The following TERF2IP variants were observed in gnomAD, a reference collection of about 807,000 sequenced individuals.
TERF2IP encodes TERF2 interacting protein.
A neutral mutation model predicts 33.3 loss-of-function variants in TERF2IP; 35 were observed. The ratio of observed to expected loss-of-function variants is 1.05; its 90% CI spans 0.80 to 1.39. The LOEUF is 1.39. Ranked by LOEUF, TERF2IP falls within the 40% of genes most tolerant of loss-of-function variation. The pLI, the probability that TERF2IP is intolerant of heterozygous loss-of-function variation, is 0.00. For synonymous variants in TERF2IP, 253 were observed against 223.2 expected, an observed-to-expected ratio of 1.13 and a Z score of -1.19; for missense variants, 583 against 524.8, an observed-to-expected ratio of 1.11 and a Z score of -1.08.
intron 1 of TERF2IP, among the ~76,000 whole-genome samples, chr16:75,649,352 T>C (rs2151817244): frequency 6.6e-6 from 1 of 152,296 alleles, no homozygotes; most frequent in Non-Finnish European, 1.5e-5. Flanking sequence ...GAGACGAGCC[T>C]GACCAACATG....
intron 1 of TERF2IP, among the ~76,000 whole-genome samples, chr16:75,649,771 T>C (rs556469755): frequency 6.6e-6 from 1 of 152,346 alleles, no homozygotes; most frequent in Middle Eastern, 3.4e-3. Flanking sequence ...GGTCTCTTCC[T>C]GGTCTTGCTT....
chr16:75,649,084 C>G (rs1446679589), intron 1 of TERF2IP, among the ~76,000 whole-genome samples: 1 of 146,770 alleles, frequency 6.8e-6, no homozygotes, highest in Non-Finnish European at 1.5e-5. Context: ...CCTGACAGGT[C>G]TCGAACTCTT....
intron 2 of TERF2IP, among the ~76,000 whole-genome samples, chr16:75,655,250 T>C (rs2082376289): frequency 6.6e-6 from 1 of 152,260 alleles, no homozygotes; most frequent in Non-Finnish European, 1.5e-5. Flanking sequence ...AAAAATGTTT[T>C]AGCTCTTCCA....
intron 1 of TERF2IP, among the ~76,000 whole-genome samples, chr16:75,649,543 CA>C (rs5817958): frequency 1.9e-3 from 255 of 136,086 alleles, no homozygotes; most frequent in Non-Finnish European, 1.5e-3. Context: ...GACTCCATCT[CA>C]AAAAAAAAAA....
intron 1 of TERF2IP, among the ~76,000 whole-genome samples, chr16:75,651,750 C>T (rs1385863468): frequency 6.6e-6 from 1 of 152,130 alleles, no homozygotes; most frequent in Non-Finnish European, 1.5e-5. Context: ...TCAGTATAAG[C>T]TATACTTTGA....
Position 75,648,098 on chromosome 16 carries a change from C to T in TERF2IP, c.216C>T (p.Ala72=), listed in dbSNP as rs1481977616. The change falls in exon 1 of 3, where the codon GCC becomes GCT. Residue 72 remains alanine (A), a synonymous_variant. Coordinates refer to ENST00000300086, the MANE Select transcript of TERF2IP (RefSeq NM_018975.4). ...TGGCCCAGCCCGGGGAGGCGCTGGC[C>T]GAGGCCTCGGGTGATTTCATCTCCA... ...VLLAQPGEAL[A]EASGDFISTQ... The T allele has an allele frequency of 2.6e-6, 4 of 1,559,364 alleles. No individual in the cohort carries two copies. The highest frequency in any genetic ancestry group is 1.4e-5 in the African/African-American group (1 of 73,722).
At chr16:75,655,534 G>T (rs113163752) in intron 2 of TERF2IP, among the ~76,000 whole-genome samples, 4,894 of 152,306 alleles carry the variant, frequency 0.032, 118 homozygotes, top group African/African-American at 0.067. Flanking sequence ...ACAGGAATTG[G>T]CAGGATTTAG....
intron 1 of TERF2IP, chr16:75,648,794 T>C: frequency 8.9e-7 from 1 of 1,127,198 alleles, no homozygotes; most frequent in Non-Finnish European, 1.2e-6. Context: ...GCTCAAGCGA[T>C]CCTCCTGCCT....
intron 1 of TERF2IP, 129 bp downstream of exon 1, chr16:75,648,681 G>A: frequency 2.1e-6 from 3 of 1,433,196 alleles, no homozygotes; most frequent in Non-Finnish European, 2.7e-6. Context: ...GTTGACATCC[G>A]GGTAAATTTG....
intron 2 of TERF2IP, among the ~76,000 whole-genome samples, chr16:75,655,239 T>A (rs1347674681): frequency 6.6e-6 from 1 of 152,240 alleles, no homozygotes; most frequent in African/African-American, 2.4e-5. Context: ...TTGAGCTTTT[T>A]AAAAATGTTT....
chr16:75,649,318 C>T (rs1236032580), intron 1 of TERF2IP, among the ~76,000 whole-genome samples: 5 of 152,208 alleles, frequency 3.3e-5, no homozygotes, highest in Non-Finnish European at 7.4e-5. Context: ...CCGAGGCGGG[C>T]GGATCACCTG....
intron 1 of TERF2IP, among the ~76,000 whole-genome samples, chr16:75,652,805 C>G (rs1325138730): frequency 6.6e-6 from 1 of 152,136 alleles, no homozygotes; most frequent in African/African-American, 2.4e-5. Flanking sequence ...GGGCAACTGT[C>G]ACCACCATCT....
intron 1 of TERF2IP, among the ~76,000 whole-genome samples, chr16:75,650,591 G>A (rs1039733717): frequency 6.6e-5 from 10 of 152,016 alleles, no homozygotes; most frequent in African/African-American, 2.4e-4. Flanking sequence ...GCTGGAGTGC[G>A]GTAGTGCGAT....
At position 75,656,501 on chromosome 16, in the gene TERF2IP, C is replaced by T. The variant is rs765095939; in HGVS notation, c.1090C>T (p.Arg364Ter). The T allele has an allele frequency of 1.5e-5, 24 of 1,613,708 alleles. No individual in the cohort carries two copies. The highest frequency in any genetic ancestry group is 2.7e-5 in the African/African-American group (2 of 74,784). ...AGCTGATGGATATCCCATTTGGTCC[C>T]GACAAGATGACATAGATTTGCAAAA... Reference protein sequence around the residue: ...QRADGYPIWSRQDDIDLQKDD... With the variant: ...QRADGYPIWS The change falls in exon 3 of 3, where the codon CGA becomes TGA. Residue 364 changes from arginine to a stop codon, truncating the protein, a stop_gained. Transcript: ENST00000300086. LOFTEE classifies it high-confidence loss of function.
chr16:75,656,002 C>T lies in TERF2IP; in HGVS notation c.796-205C>T, dbSNP rs56892159. On this transcript the variant is annotated intron_variant, in intron 2 of 2. Transcript: ENST00000300086. ...CCTCACACACACGTGCACACACACA[C>T]GCGCACACACACACGCGTGTACATA... 0.11 allele frequency among the ~76,000 whole-genome samples: 16,636 copies of T among 151,992 alleles called. 1,806 individuals carry two copies. The highest frequency in any genetic ancestry group is 0.29 in the African/African-American group (11,845 of 41,434).
At chr16:75,651,142 A>G (rs1275514808) in intron 1 of TERF2IP, among the ~76,000 whole-genome samples, 1 of 152,176 alleles carries the variant, frequency 6.6e-6, no homozygotes, top group Non-Finnish European at 1.5e-5. Context: ...AGTTTTATAT[A>G]TTTGATTACC....
Position 75,657,276 on chromosome 16 carries a change from A to G in TERF2IP, c.*665A>G, listed in dbSNP as rs1278656398. 5.3e-5 allele frequency: 8 copies of G among 151,640 alleles called. No individual in the cohort carries two copies. The highest frequency in any genetic ancestry group is 1.0e-4 in the Non-Finnish European group (7 of 67,962). 9.4% of individuals were successfully genotyped at this position (151,640 alleles called of 1,614,324 possible). On this transcript the variant is annotated 3_prime_UTR_variant, in exon 3 of 3. Transcript: ENST00000300086. ...CAGTTTTCCTTAAAACGCGCACACA[A>G]CTCTAGAGAGTGTTAAGAATAATGT...
chr16:75,648,296 T>C lies in TERF2IP; in HGVS notation c.414T>C (p.Asp138=). 6.4e-7 allele frequency: 1 copy of C among 1,553,854 alleles called. No individual in the cohort carries two copies. Among genetic ancestry groups the C allele is most frequent in the East Asian group, 2.4e-5 (1 of 41,454 alleles). Residue 138 remains aspartate, a synonymous_variant, in exon 1 of 3, where the codon GAT becomes GAC. Transcript: ENST00000300086. Reference sequence around the variant, plus strand: ...ACGCCGGGCGGATCGCCTTCACGGATGCGGACGACGTAGCCATCCTTACCT... The same window carrying C: ...ACGCCGGGCGGATCGCCTTCACGGACGCGGACGACGTAGCCATCCTTACCT... ...QRHAGRIAFT[D]ADDVAILTYV...
Position 75,656,990 on chromosome 16 carries a change from C to A in TERF2IP, c.*379C>A, listed in dbSNP as rs1432781800. On this transcript the variant is annotated 3_prime_UTR_variant, in exon 3 of 3. Coordinates refer to ENST00000300086, the MANE Select transcript of TERF2IP (RefSeq NM_018975.4). ...TCAGGCAGCATAAGTAATCTCCTGTCCTTTGGCAGAAGCTCCTTTAGATTG... is the reference window on the plus strand; with the variant it reads ...TCAGGCAGCATAAGTAATCTCCTGTACTTTGGCAGAAGCTCCTTTAGATTG... The A allele has an allele frequency of 6.0e-6, 1 of 167,998 alleles. No homozygotes were observed. Among genetic ancestry groups the A allele is most frequent in the African/African-American group, 2.4e-5 (1 of 41,924 alleles). The allele number at this position is 167,998 out of a possible 1,614,324, so 10.4% of individuals were successfully genotyped here. A position where few individuals can be genotyped will look rare whatever the true frequency, so the allele number is the denominator to read the frequency against.
Sources: gnomAD v4.1 joint callset for allele counts (sites outside exome capture counted in the v4.1 genomes callset) on GRCh38, gnomAD v4.1.1 for gene constraint, MANE v1.5 for transcripts, NCBI Gene and HGNC (gene_info 2026-07-23, HGNC 2026-07-21) for gene names.